Variants in ZEB2 observed in about 807,000 individuals in gnomAD.
ZEB2 encodes the protein zinc finger E-box-binding homeobox 2.
A neutral mutation model predicts 99.9 loss-of-function variants in ZEB2; 6 were observed. The ratio of observed to expected loss-of-function variants is 0.06; its 90% CI spans 0.03 to 0.12. ZEB2 has a LOEUF of 0.12. ZEB2 is among the 10% of genes least tolerant of loss of function. The pLI is 1.00. For missense variants in ZEB2, 969 were observed against 1,502.8 expected (o/e 0.64, Z 5.87); for synonymous variants, 517 against 542.5 (o/e 0.95, Z 0.65).
chr2:144,450,967 T>A (rs1482351658), intron 2 of ZEB2, among the ~76,000 whole-genome samples: 1 of 152,196 alleles, frequency 6.6e-6, no homozygotes, highest in Non-Finnish European at 1.5e-5. Context: ...CATGAGCCAC[T>A]GTGACCAGCC....
At chr2:144,485,609 CCTTTT>C (rs1213261897) in intron 2 of ZEB2, among the ~76,000 whole-genome samples, 3 of 152,148 alleles carry the variant, frequency 2.0e-5, no homozygotes, top group East Asian at 1.9e-4. Context: ...CTTCTCTCTT[CCTTTT>C]CTTTTATTTC....
chr2:144,492,770 C>A (rs1704699134), intron 2 of ZEB2, among the ~76,000 whole-genome samples: 2 of 152,166 alleles, frequency 1.3e-5, no homozygotes, highest in South Asian at 4.1e-4. Context: ...AAGTGAATTT[C>A]AAAAAGTTAT....
At chr2:144,507,765 C>G (rs1342166446) in intron 2 of ZEB2, among the ~76,000 whole-genome samples, 3 of 152,132 alleles carry the variant, frequency 2.0e-5, no homozygotes, top group African/African-American at 7.2e-5. Context: ...CTTTTCAGAT[C>G]CTCTAACTTT....
chr2:144,418,643 G>A (rs763840313), intron 4 of ZEB2, among the ~76,000 whole-genome samples: 16 of 151,516 alleles, frequency 1.1e-4, no homozygotes, highest in Admixed American at 2.0e-4. Context: ...AGCCGAAATT[G>A]CACCATTGCA....
chr2:144,450,166 T>G (rs889659681), intron 2 of ZEB2: 9 of 152,146 alleles, frequency 5.9e-5, no homozygotes, highest in Admixed American at 5.9e-4. Flanking sequence ...GGTATACCAC[T>G]GGATCTACTA....
chr2:144,399,816 T>G lies in ZEB2; in HGVS notation c.1371A>C (p.Leu457Phe). 2.5e-6 allele frequency: 4 copies of G among 1,614,216 alleles called. No homozygotes were observed. Among genetic ancestry groups the G allele is most frequent in the Non-Finnish European group, 3.4e-6 (4 of 1,180,034 alleles). ...TCTGTAGAACCTTTTGTACCTCACT[T>G]AAATTACTATTCATGGTGGGAAACC... ...LLGFPTMNSN[L>F]SEVQKVLQIV... The change falls in exon 8 of 10, where the codon TTA (leucine) becomes TTC (phenylalanine). Residue 457 changes from leucine (L) to phenylalanine (F), a missense_variant. Coordinates refer to ENST00000627532, the MANE Select transcript of ZEB2 (RefSeq NM_014795.4). The surrounding 1 kb of genome is among the most constrained non-coding windows in gnomAD (Gnocchi z 5.6).
chr2:144,394,236 A>C (rs943525219), intron 9 of ZEB2, among the ~76,000 whole-genome samples: 12 of 152,172 alleles, frequency 7.9e-5, no homozygotes, highest in African/African-American at 2.9e-4. Flanking sequence ...TTTATTTTTC[A>C]AATAAATTAT....
chr2:144,402,405 A>G (rs1191099362), intron 6 of ZEB2, among the ~76,000 whole-genome samples: 1 of 152,110 alleles, frequency 6.6e-6, no homozygotes, highest in South Asian at 2.1e-4. Flanking sequence ...AACAGCAGCA[A>G]CCTTCAAAGA....
chr2:144,446,927 A>T (rs1703992753), intron 2 of ZEB2, among the ~76,000 whole-genome samples: 1 of 151,822 alleles, frequency 6.6e-6, no homozygotes, highest in Admixed American at 6.6e-5. Context: ...GAGGTGGGAG[A>T]ATTGCTTGAA....
At chr2:144,515,376 G>T (rs1705115352) in intron 2 of ZEB2, among the ~76,000 whole-genome samples, 1 of 151,950 alleles carries the variant, frequency 6.6e-6, no homozygotes, top group African/African-American at 2.4e-5. Flanking sequence ...AAGGAACAGA[G>T]GAAACACAAG....
At chr2:144,517,877 A>G (rs542518043) in intron 1 of ZEB2, 1 of 507,732 alleles carries the variant, frequency 2.0e-6, no homozygotes, top group Admixed American at 3.3e-5. Context: ...AACAACGCGA[A>G]ACAGCCCCTG....
chr2:144,398,388 T>A lies in ZEB2; in HGVS notation c.2799A>T (p.Pro933=). 1.2e-6 allele frequency: 2 copies of A among 1,614,000 alleles called. No individual in the cohort carries two copies. The highest frequency in any genetic ancestry group is 1.7e-6 in the Non-Finnish European group (2 of 1,179,958). Residue 933 remains proline (P), a synonymous_variant, in exon 8 of 10, where the codon CCA becomes CCT. Coordinates refer to ENST00000627532, the MANE Select transcript of ZEB2 (RefSeq NM_014795.4). ...YPGLDQMSFL[P]HMAYTYPTGA... is the part of the protein sequence containing the mutation. The stretch of plus-strand genomic sequence containing the variant: ...CAGTTGGGTAGGTGTAGGCCATATG[T>A]GGTAGGAAGCTCATCTGATCCAGTC...
At chr2:144,410,557 A>T (rs749263785) in intron 4 of ZEB2, among the ~76,000 whole-genome samples, 9 of 152,180 alleles carry the variant, frequency 5.9e-5, no homozygotes, top group Non-Finnish European at 1.3e-4. Context: ...GCTTTAGAAT[A>T]CTTTCTCAAA....
intron 9 of ZEB2, 73 bp downstream of exon 9, chr2:144,396,338 AG>A: frequency 1.3e-6 from 2 of 1,550,738 alleles, no homozygotes; most frequent in Non-Finnish European, 8.9e-7. Context: ...ATGTTGCACA[AG>A]TGTGCTCATT....
chr2:144,499,131 T>G (rs1335518367), intron 2 of ZEB2, among the ~76,000 whole-genome samples: 1 of 152,204 alleles, frequency 6.6e-6, no homozygotes, highest in African/African-American at 2.4e-5. Context: ...ATTCTTAGGA[T>G]GAGCTTTATA....
chr2:144,419,419 T>G (rs552225427), intron 4 of ZEB2, among the ~76,000 whole-genome samples: 1 of 152,210 alleles, frequency 6.6e-6, no homozygotes, highest in African/African-American at 2.4e-5. Context: ...TGGTTATTAA[T>G]AGCCCTTTAT....
chr2:144,437,859 T>G (rs1703858021), intron 2 of ZEB2, among the ~76,000 whole-genome samples: 1 of 152,154 alleles, frequency 6.6e-6, no homozygotes, highest in South Asian at 2.1e-4. Flanking sequence ...ACTGCCAGAG[T>G]ACGTTGGAAT....
Position 144,400,136 on chromosome 2 carries a change from C to T in ZEB2, c.1051G>A (p.Gly351Ser). 1 of 1,613,838 alleles carries T rather than the reference C, an allele frequency of 6.2e-7. No homozygotes were observed. The highest frequency in any genetic ancestry group is 8.5e-7 in the Non-Finnish European group (1 of 1,179,834). The change falls in exon 8 of 10, where the codon GGT becomes AGT. Residue 351 changes from glycine (G) to serine (S), a missense_variant. Physicochemically the swap from Gly to Ser is moderately conservative, Grantham distance 56 (BLOSUM62 0). Coordinates refer to ENST00000627532, the MANE Select transcript of ZEB2 (RefSeq NM_014795.4). Reference protein sequence around the residue: ...NGRMRNNIKTGSSPNSVSSSP... With the variant: ...NGRMRNNIKTSSSPNSVSSSP... The stretch of plus-strand genomic sequence containing the variant: ...GAAGAAACAGAATTAGGGGAAGAAC[C>T]CGTCTTGATATTGTTTCTCATTCGG...
intron 2 of ZEB2, 145 bp from the exon 3 acceptor site, chr2:144,430,171 C>A (rs924244091): frequency 1.6e-6 from 2 of 1,216,318 alleles, no homozygotes; most frequent in Non-Finnish European, 2.3e-6. Flanking sequence ...TAATATCCTT[C>A]AGGTTTTAGC....
Sources: gnomAD v4.1 joint callset for allele counts (sites outside exome capture counted in the v4.1 genomes callset) on GRCh38, gnomAD v4.1.1 for gene constraint, Gnocchi (gnomAD v3.1) non-coding constraint, MANE v1.5 for transcripts, NCBI Gene and HGNC (gene_info 2026-07-23, HGNC 2026-07-21) for gene names.